KDM4C: variants seen among roughly 807,000 people sequenced by gnomAD.
KDM4C encodes the protein lysine demethylase 4C.
Under a neutral mutation model 129.3 loss-of-function variants are expected in KDM4C, and 81 were observed. That is an observed-to-expected ratio of 0.63 (90% CI 0.52 to 0.75). The LOEUF is 0.75. Ranked by LOEUF, KDM4C falls within the 30% of genes least tolerant of loss-of-function variation. The pLI is 0.00. For missense variants in KDM4C, 1,457 were observed against 1,304.0 expected, an observed-to-expected ratio of 1.12 and a Z score of -1.81; for synonymous variants, 573 against 456.1, an observed-to-expected ratio of 1.26 and a Z score of -3.26.
chr9:6,788,454 G>A (rs556489957), intron 1 of KDM4C, among the ~76,000 whole-genome samples: 39 of 152,284 alleles, frequency 2.6e-4, no homozygotes, highest in Non-Finnish European at 5.0e-4. Context: ...CTTCTACCCT[G>A]TTCTCACTGC....
At chr9:6,745,600 G>A (rs1481542157) in intron 1 of KDM4C, among the ~76,000 whole-genome samples, 4 of 133,834 alleles carry the variant, frequency 3.0e-5, no homozygotes, top group Admixed American at 7.7e-5. Context: ...AAAAAAAAAT[G>A]CCATACTATA....
intron 1 of KDM4C, chr9:6,748,895 C>T (rs367805334): frequency 9.3e-6 from 9 of 963,686 alleles, no homozygotes; most frequent in Middle Eastern, 4.2e-4. Flanking sequence ...CCTGAATCTG[C>T]GATCTATTTT....
At chr9:7,099,032 G>T (rs1245651730) in intron 17 of KDM4C, among the ~76,000 whole-genome samples, 3 of 152,204 alleles carry the variant, frequency 2.0e-5, no homozygotes, top group African/African-American at 7.2e-5. Flanking sequence ...CCCTGTTTGA[G>T]CTGGGAGTGT....
chr9:6,966,340 G>A (rs555842843), intron 8 of KDM4C, among the ~76,000 whole-genome samples: 3 of 152,262 alleles, frequency 2.0e-5, no homozygotes, highest in East Asian at 3.9e-4. Flanking sequence ...CCGCCACTGC[G>A]CCCAGCTAAT....
chr9:6,816,135 T>A (rs1055929505), intron 4 of KDM4C, among the ~76,000 whole-genome samples: 1 of 152,224 alleles, frequency 6.6e-6, no homozygotes, highest in Non-Finnish European at 1.5e-5. Flanking sequence ...TACTCAAATA[T>A]TAGCTGACTA....
At chr9:7,126,344 T>G (rs908267577) in intron 18 of KDM4C, among the ~76,000 whole-genome samples, 31 of 152,300 alleles carry the variant, frequency 2.0e-4, no homozygotes, top group African/African-American at 7.5e-4. Context: ...AAAAATAAAA[T>G]GAATTGTCAT....
chr9:6,813,057 C>T (rs1211193023), intron 3 of KDM4C, among the ~76,000 whole-genome samples: 1 of 151,886 alleles, frequency 6.6e-6, no homozygotes, highest in Non-Finnish European at 1.5e-5. Context: ...TGCTTGTAAT[C>T]CCAGCTACTG....
intron 5 of KDM4C, among the ~76,000 whole-genome samples, chr9:6,871,509 T>G (rs1842821463): frequency 6.6e-6 from 1 of 152,196 alleles, no homozygotes; most frequent in Non-Finnish European, 1.5e-5. Flanking sequence ...TGACTCAGTT[T>G]TTTAGTGTTA....
intron 8 of KDM4C, among the ~76,000 whole-genome samples, chr9:6,894,999 T>G (rs1846634598): frequency 6.6e-6 from 1 of 152,242 alleles, no homozygotes; most frequent in Non-Finnish European, 1.5e-5. Flanking sequence ...TTTGTTTGGT[T>G]CTGGGTACAA....
intron 19 of KDM4C, among the ~76,000 whole-genome samples, chr9:7,144,087 T>C (rs1047214647): frequency 3.3e-5 from 5 of 152,172 alleles, no homozygotes; most frequent in Admixed American, 6.5e-5. Flanking sequence ...TGTATACTCA[T>C]TACTCCTCTT....
intron 4 of KDM4C, among the ~76,000 whole-genome samples, chr9:6,828,541 A>G (rs1834269093): frequency 6.6e-6 from 1 of 151,916 alleles, no homozygotes; most frequent in African/African-American, 2.4e-5. Context: ...ATGTTCACGT[A>G]GAGACCGTCT....
intron 5 of KDM4C, among the ~76,000 whole-genome samples, chr9:6,871,683 A>G (rs529825889): frequency 1.3e-5 from 2 of 152,368 alleles, no homozygotes; most frequent in South Asian, 2.1e-4. Context: ...TGCAAAGTAC[A>G]TTCTTATCCT....
intron 8 of KDM4C, among the ~76,000 whole-genome samples, chr9:6,976,383 G>A (rs1644854079): frequency 6.6e-6 from 1 of 152,070 alleles, no homozygotes; most frequent in Admixed American, 6.5e-5. Context: ...ACTAACATTA[G>A]GGTTATTAGA....
chr9:6,722,393 G>A (rs6477104), intron 1 of KDM4C, among the ~76,000 whole-genome samples: 39,893 of 151,896 alleles, frequency 0.26, 6,256 homozygotes, highest in African/African-American at 0.43. Flanking sequence ...TTAGAGATTT[G>A]GAGGCTGGGC....
chr9:7,158,268 G>A (rs1324384185), intron 19 of KDM4C, among the ~76,000 whole-genome samples: 1 of 150,234 alleles, frequency 6.7e-6, no homozygotes, highest in African/African-American at 2.4e-5. Context: ...TCTTGCTAGC[G>A]GTCTATCAAT....
intron 8 of KDM4C, among the ~76,000 whole-genome samples, chr9:6,922,763 C>A (rs1372124146): frequency 6.6e-6 from 1 of 152,182 alleles, no homozygotes; most frequent in East Asian, 1.9e-4. Flanking sequence ...GAGAAATAAA[C>A]AGCCTTCCAA....
intron 12 of KDM4C, among the ~76,000 whole-genome samples, chr9:7,002,163 G>A (rs1820846837): frequency 6.6e-6 from 1 of 152,154 alleles, no homozygotes; most frequent in East Asian, 1.9e-4. Context: ...AAAATGCTGG[G>A]ATTACAGGCA....
intron 15 of KDM4C, among the ~76,000 whole-genome samples, chr9:7,024,450 A>G (rs1249538821): frequency 6.6e-6 from 1 of 151,700 alleles, no homozygotes; most frequent in African/African-American, 2.4e-5. Context: ...GTCATTTAGC[A>G]TTAGGTATAT....
At chr9:7,098,968 C>T (rs541279770) in intron 17 of KDM4C, among the ~76,000 whole-genome samples, 26 of 131,016 alleles carry the variant, frequency 2.0e-4, no homozygotes, top group South Asian at 6.9e-4. Context: ...GTTTTAGCCT[C>T]GATCCTCTGA....
Sources: gnomAD v4.1 joint callset for allele counts (sites outside exome capture counted in the v4.1 genomes callset) on GRCh38, gnomAD v4.1.1 for gene constraint, MANE v1.5 for transcripts, NCBI Gene and HGNC (gene_info 2026-07-23, HGNC 2026-07-21) for gene names.